Variants in VTI1A observed in about 807,000 individuals in gnomAD.
VTI1A encodes vesicle transport through interaction with t-SNAREs homolog 1A.
VTI1A carries 22 observed loss-of-function variants against 34.9 expected under a neutral mutation model. The observed-to-expected ratio is 0.63, with a 90% CI of 0.45 to 0.90. The LOEUF (loss-of-function observed/expected upper bound fraction) is 0.90. Among genes scored for constraint, VTI1A ranks in the 40% least tolerant of loss-of-function variants. The pLI is 0.00. For missense variants in VTI1A, 268 were observed against 275.6 expected (o/e 0.97, Z 0.20); for synonymous variants, 87 against 97.3 (o/e 0.89, Z 0.62).
intron 2 of VTI1A, among the ~76,000 whole-genome samples, chr10:112,463,986 T>G (rs1214985507): frequency 6.6e-6 from 1 of 152,130 alleles, no homozygotes; most frequent in Non-Finnish European, 1.5e-5. Flanking sequence ...TTAATGTGTA[T>G]CTTTTATTTT....
chr10:112,704,342 G>C (rs534690221), intron 7 of VTI1A, among the ~76,000 whole-genome samples: 1 of 152,082 alleles, frequency 6.6e-6, no homozygotes, highest in South Asian at 2.1e-4. Context: ...AAGAAAACTA[G>C]TTGTGCTGTG....
chr10:112,653,613 G>A (rs540810413), intron 5 of VTI1A, among the ~76,000 whole-genome samples: 1 of 152,206 alleles, frequency 6.6e-6, no homozygotes, highest in African/African-American at 2.4e-5. Flanking sequence ...TCATGTGGTG[G>A]TTGTGAAGAT....
chr10:112,766,742 G>A (rs982788298), intron 7 of VTI1A, among the ~76,000 whole-genome samples: 1 of 152,220 alleles, frequency 6.6e-6, no homozygotes, highest in Non-Finnish European at 1.5e-5. Flanking sequence ...GGTCTTGTAT[G>A]CATCTTCATA....
At chr10:112,525,040 A>G (rs561466513) in intron 3 of VTI1A, among the ~76,000 whole-genome samples, 50 of 152,316 alleles carry the variant, frequency 3.3e-4, no homozygotes, top group Middle Eastern at 3.4e-3. Context: ...TATGAAGTCA[A>G]TAGAAATAGC....
At chr10:112,581,302 A>G (rs1265504023) in intron 5 of VTI1A, among the ~76,000 whole-genome samples, 2 of 152,192 alleles carry the variant, frequency 1.3e-5, no homozygotes, top group African/African-American at 4.8e-5. Context: ...TAGGGGTGAT[A>G]ACTTGTCCAC....
chr10:112,850,016 C>A, the VTI1A span, among the ~76,000 whole-genome samples: 1 of 152,176 alleles, frequency 6.6e-6, no homozygotes. Context: ...GGTGGTGGAT[C>A]AGGAGTAAGG....
intron 7 of VTI1A, chr10:112,737,564 G>A: frequency 9.5e-7 from 1 of 1,048,556 alleles, no homozygotes; most frequent in Non-Finnish European, 1.2e-6. Context: ...TGCATTCCCA[G>A]GGGGCGGCAG....
chr10:112,773,519 A>G (rs1564920133), intron 7 of VTI1A, among the ~76,000 whole-genome samples: 1 of 152,210 alleles, frequency 6.6e-6, no homozygotes, highest in Admixed American at 6.5e-5. Flanking sequence ...CATCCAGATC[A>G]TTAACCACTG....
chr10:112,801,502 C>T (rs1273841728), intron 7 of VTI1A, among the ~76,000 whole-genome samples: 1 of 152,166 alleles, frequency 6.6e-6, no homozygotes, highest in African/African-American at 2.4e-5. Flanking sequence ...CTCAAGGACC[C>T]GTAGTCCTTT....
chr10:112,558,521 G>A (rs1247879279), intron 5 of VTI1A, among the ~76,000 whole-genome samples: 2 of 152,164 alleles, frequency 1.3e-5, no homozygotes, highest in Non-Finnish European at 2.9e-5. Flanking sequence ...ATGCTATCAT[G>A]AATGAAGACT....
the VTI1A span, chr10:112,823,781 T>C: frequency 6.6e-6 from 1 of 152,158 alleles, no homozygotes; most frequent in Non-Finnish European, 1.5e-5. Context: ...GAGCAGCGTT[T>C]TGAAATGAGG....
chr10:112,447,137 C>T (rs1846853253), upstream of VTI1A: 2 of 526,310 alleles, frequency 3.8e-6, no homozygotes, highest in South Asian at 5.0e-5. Flanking sequence ...TTTTCCTTTG[C>T]GAACTTACTT....
intron 7 of VTI1A, among the ~76,000 whole-genome samples, chr10:112,672,396 T>A (rs1310750453): frequency 6.6e-6 from 1 of 152,186 alleles, no homozygotes. Flanking sequence ...AAACTCGACA[T>A]CAGAACACAG....
chr10:112,513,720 A>C (rs1367670512), intron 3 of VTI1A, among the ~76,000 whole-genome samples: 2 of 43,870 alleles, frequency 4.6e-5, no homozygotes, highest in Non-Finnish European at 9.4e-5. Flanking sequence ...CTGTATACCT[A>C]ATCTGTTGAG....
intron 7 of VTI1A, among the ~76,000 whole-genome samples, chr10:112,758,777 T>C (rs1276760743): frequency 2.0e-5 from 3 of 152,242 alleles, no homozygotes; most frequent in Non-Finnish European, 2.9e-5. Flanking sequence ...TGCTTATGGA[T>C]GGCCCAGCCC....
intron 7 of VTI1A, among the ~76,000 whole-genome samples, chr10:112,759,889 A>AG (rs1321159930): frequency 2.6e-5 from 4 of 152,148 alleles, no homozygotes; most frequent in Non-Finnish European, 5.9e-5. Flanking sequence ...TCTCGGAGTG[A>AG]GGGGTGATTG....
At chr10:112,555,877 T>G in intron 5 of VTI1A, among the ~76,000 whole-genome samples, 1 of 152,016 alleles carries the variant, frequency 6.6e-6, no homozygotes, top group South Asian at 2.1e-4. Flanking sequence ...AGTGCTCCAT[T>G]TTAGTTTCTT....
intron 5 of VTI1A, among the ~76,000 whole-genome samples, chr10:112,631,949 C>G (rs1449759221): frequency 6.6e-6 from 1 of 152,144 alleles, no homozygotes; most frequent in African/African-American, 2.4e-5. Context: ...GATTCTAAGA[C>G]ACTGTAATCT....
chr10:112,620,556 C>T (rs779368017), intron 5 of VTI1A, among the ~76,000 whole-genome samples: 1 of 152,078 alleles, frequency 6.6e-6, no homozygotes, highest in Non-Finnish European at 1.5e-5. Context: ...TTTGGGAGGC[C>T]GAGGCGGGTG....
Sources: allele counts gnomAD v4.1 joint callset (sites outside exome capture counted in the v4.1 genomes callset), GRCh38; gene constraint gnomAD v4.1.1; transcripts MANE v1.5; gene names NCBI Gene and HGNC (gene_info 2026-07-23, HGNC 2026-07-21).